Variants in NECAB1 observed in about 807,000 individuals in gnomAD.
NECAB1 encodes the protein N-terminal EF-hand calcium-binding protein 1.
A neutral mutation model predicts 57.5 loss-of-function variants in NECAB1; 29 were observed. The observed-to-expected ratio is 0.50, with a 90% CI of 0.38 to 0.69. NECAB1 has a LOEUF of 0.69. Among genes scored for constraint, NECAB1 ranks in the 30% least tolerant of loss-of-function variants. NECAB1 has a pLI of 0.00. For synonymous variants in NECAB1, 142 were observed against 147.7 expected, an observed-to-expected ratio of 0.96 and a Z score of 0.28; for missense variants, 372 against 413.8, an observed-to-expected ratio of 0.90 and a Z score of 0.88.
chr8:90,849,450 CA>C (rs1812637221), intron 3 of NECAB1, among the ~76,000 whole-genome samples: 1 of 146,804 alleles, frequency 6.8e-6, no homozygotes, highest in Non-Finnish European at 1.5e-5. Flanking sequence ...TCCTGGACAA[CA>C]GAGCAAAACC....
At chr8:90,808,166 A>G (rs1217234886) in intron 2 of NECAB1, among the ~76,000 whole-genome samples, 3 of 152,166 alleles carry the variant, frequency 2.0e-5, no homozygotes, top group Non-Finnish European at 4.4e-5. Context: ...CACTTTCCTG[A>G]GCCCTCAAAA....
chr8:90,837,998 A>G (rs936660659), intron 3 of NECAB1, among the ~76,000 whole-genome samples: 1 of 152,200 alleles, frequency 6.6e-6, no homozygotes, highest in Non-Finnish European at 1.5e-5. Flanking sequence ...AATTGTGTCT[A>G]TGTCCTGGTT....
intron 5 of NECAB1, among the ~76,000 whole-genome samples, chr8:90,907,742 T>C (rs994475595): frequency 3.3e-5 from 5 of 152,206 alleles, no homozygotes; most frequent in Non-Finnish European, 7.4e-5. Context: ...ATTTTGGTTT[T>C]TAAATCCCAC....
chr8:90,883,553 G>A (rs1808896704), intron 5 of NECAB1, among the ~76,000 whole-genome samples: 1 of 152,184 alleles, frequency 6.6e-6, no homozygotes, highest in Non-Finnish European at 1.5e-5. Flanking sequence ...TGTTTGCAGT[G>A]TCAGAGAATG....
At chr8:90,798,097 G>A (rs1232916189) in intron 1 of NECAB1, among the ~76,000 whole-genome samples, 1 of 152,152 alleles carries the variant, frequency 6.6e-6, no homozygotes, top group African/African-American at 2.4e-5. Context: ...GCACCTGTCA[G>A]TACTTTGGCA....
At chr8:90,856,252 G>GA (rs1477132243) in intron 3 of NECAB1, among the ~76,000 whole-genome samples, 1 of 152,098 alleles carries the variant, frequency 6.6e-6, no homozygotes, top group African/African-American at 2.4e-5. Flanking sequence ...CCAATCTACT[G>GA]ACTTCATTGC....
chr8:90,914,688 T>A (rs1233219457), intron 5 of NECAB1, among the ~76,000 whole-genome samples: 3 of 152,220 alleles, frequency 2.0e-5, no homozygotes, highest in African/African-American at 7.2e-5. Context: ...AGCCTAATCA[T>A]AACTTTCTGA....
intron 8 of NECAB1, among the ~76,000 whole-genome samples, chr8:90,932,075 G>A (rs903828855): frequency 6.6e-6 from 1 of 152,006 alleles, no homozygotes; most frequent in African/African-American, 2.4e-5. Context: ...TGTAATTCAG[G>A]ATGTCACACT....
chr8:90,925,593 C>T lies in NECAB1; in HGVS notation c.553C>T (p.Arg185Cys), dbSNP rs773346655. The T allele has an allele frequency of 8.7e-6, 14 of 1,613,592 alleles. No individual in the cohort carries two copies. Among genetic ancestry groups the T allele is most frequent in the African/African-American group, 1.3e-5 (1 of 75,042 alleles). The change falls in exon 7 of 13, where the codon CGC becomes TGC. Residue 185 changes from arginine to cysteine, a missense_variant. Transcript: ENST00000417640. The stretch of plus-strand genomic sequence containing the variant: ...TCAATGGCCTGGAAAACGATCAAGC[C>T]GCCGAGTCCAGAGACACAACAGCTT... ...SIQWPGKRSS[R>C]RVQRHNSFSP...
At chr8:90,808,802 T>C (rs1296258044) in intron 2 of NECAB1, among the ~76,000 whole-genome samples, 3 of 151,956 alleles carry the variant, frequency 2.0e-5, no homozygotes, top group African/African-American at 7.3e-5. Flanking sequence ...CGTGCCACCA[T>C]GCCCGGCTAA....
At chr8:90,870,277 T>C (rs1464649887) in intron 3 of NECAB1, among the ~76,000 whole-genome samples, 2 of 152,188 alleles carry the variant, frequency 1.3e-5, no homozygotes, top group African/African-American at 2.4e-5. Context: ...TAATACATTG[T>C]CCAACCTCAA....
intron 5 of NECAB1, among the ~76,000 whole-genome samples, chr8:90,887,563 G>A (rs1361087973): frequency 1.3e-5 from 2 of 152,130 alleles, no homozygotes; most frequent in Non-Finnish European, 2.9e-5. Context: ...AAATAAACTT[G>A]ATGTTCAGAA....
Position 90,928,247 on chromosome 8 carries a change from G to T in NECAB1, c.641G>T (p.Trp214Leu). 1 of 1,609,858 alleles carries T rather than the reference G, an allele frequency of 6.2e-7. No individual in the cohort carries two copies. The highest frequency in any genetic ancestry group is 8.5e-7 in the Non-Finnish European group (1 of 1,178,048). The change falls in exon 8 of 13, where the codon TGG (tryptophan) becomes TTG (leucine). Residue 214 changes from tryptophan (W) to leucine (L), a missense_variant. By Grantham distance (61) the Trp-to-Leu change is moderately conservative (BLOSUM62 -2). Coordinates refer to ENST00000417640, the MANE Select transcript of NECAB1 (RefSeq NM_022351.5). The part of the protein sequence containing the change: ...GPGLLEEDNQ[W>L]MTQINRLQKL... ...GGCTTATTAGAAGAAGACAACCAGT[G>T]GATGACCCAGATAAATAGACTCCAG...
chr8:90,955,112 T>TTATATATATATATATATATA (rs59244524), intron 12 of NECAB1, among the ~76,000 whole-genome samples: 9 of 70,806 alleles, frequency 1.3e-4, no homozygotes, highest in East Asian at 7.0e-4. Context: ...GGTATATAAA[T>TTATATATATATATATATATA]TATATATATA....
At chr8:90,835,439 G>T (rs1812356227) in intron 3 of NECAB1, among the ~76,000 whole-genome samples, 1 of 152,022 alleles carries the variant, frequency 6.6e-6, no homozygotes, top group Non-Finnish European at 1.5e-5. Flanking sequence ...AGGAGTTTGG[G>T]TGGTCATTTC....
chr8:90,931,777 G>A lies in NECAB1; in HGVS notation c.694-2527G>A, dbSNP rs1015796923. 1.4e-4 allele frequency among the ~76,000 whole-genome samples: 22 copies of A among 152,172 alleles called. No individual in the cohort carries two copies. In the South Asian group the frequency reaches 2.1e-3, roughly 14 times the overall value. Reference sequence around the variant, plus strand: ...AAATTAACCAGGCGTGGTGGTGTGCGCCTGTAATCCCAGCTACTTGGGAGG... The same window carrying A: ...AAATTAACCAGGCGTGGTGGTGTGCACCTGTAATCCCAGCTACTTGGGAGG... On this transcript the variant is annotated intron_variant, in intron 8 of 12. Coordinates refer to ENST00000417640, the MANE Select transcript of NECAB1 (RefSeq NM_022351.5).
chr8:90,792,011 C>A, intron 1 of NECAB1, 26 bp downstream of exon 1: 1 of 1,534,090 alleles, frequency 6.5e-7, no homozygotes, highest in Non-Finnish European at 8.8e-7. Context: ...GGGAGCTGGG[C>A]GGTTGCTTCC....
chr8:90,802,982 C>T (rs554403709), intron 2 of NECAB1, among the ~76,000 whole-genome samples: 8 of 152,116 alleles, frequency 5.3e-5, no homozygotes, highest in Admixed American at 3.3e-4. Context: ...CTGCAACCTC[C>T]GTCTCCTGGG....
At chr8:90,899,107 C>T (rs78517317) in intron 5 of NECAB1, among the ~76,000 whole-genome samples, 2,937 of 152,318 alleles carry the variant, frequency 0.019, 73 homozygotes, top group East Asian at 0.14. Flanking sequence ...TTGGCTATGC[C>T]AGTGGGACGC....
Sources: gnomAD v4.1 joint callset for allele counts (sites outside exome capture counted in the v4.1 genomes callset) on GRCh38, gnomAD v4.1.1 for gene constraint, MANE v1.5 for transcripts, NCBI Gene and HGNC (gene_info 2026-07-23, HGNC 2026-07-21) for gene names.